Variants in PBX3 observed in about 807,000 individuals in gnomAD.
PBX3 encodes pre-B-cell leukemia transcription factor 3.
Under a neutral mutation model 48.5 loss-of-function variants are expected in PBX3, and 14 were observed. The ratio of observed to expected loss-of-function variants is 0.29; its 90% CI spans 0.19 to 0.45. The LOEUF is 0.45. Among genes scored for constraint, PBX3 ranks in the 20% least tolerant of loss-of-function variants. PBX3 has a pLI of 1.00. For synonymous variants in PBX3, 210 were observed against 200.3 expected (o/e 1.05, Z -0.41); for missense variants, 386 against 546.7 (o/e 0.71, Z 2.93).
At chr9:125,930,149 C>T (rs1841682541) in intron 4 of PBX3, among the ~76,000 whole-genome samples, 1 of 152,138 alleles carries the variant, frequency 6.6e-6, no homozygotes, top group South Asian at 2.1e-4. Context: ...GGATAGTTTT[C>T]TGCATATAAC....
intron 2 of PBX3, among the ~76,000 whole-genome samples, chr9:125,786,088 A>G (rs1429317215): frequency 6.6e-6 from 1 of 152,072 alleles, no homozygotes; most frequent in Non-Finnish European, 1.5e-5. Flanking sequence ...TACCTACTCC[A>G]TTTCCTGCTG....
chr9:125,891,921 T>C (rs1232686599), intron 2 of PBX3, among the ~76,000 whole-genome samples: 1 of 152,160 alleles, frequency 6.6e-6, no homozygotes, highest in East Asian at 1.9e-4. Context: ...CATTTTATTT[T>C]ATTTTATTAA....
chr9:125,913,420 C>G (rs1841250579), intron 2 of PBX3, among the ~76,000 whole-genome samples: 1 of 151,950 alleles, frequency 6.6e-6, no homozygotes, highest in Non-Finnish European at 1.5e-5. Context: ...TTTGTGTCCA[C>G]GGCTTTTGAG....
At chr9:125,853,157 C>T (rs1213846423) in intron 2 of PBX3, among the ~76,000 whole-genome samples, 1 of 152,140 alleles carries the variant, frequency 6.6e-6, no homozygotes, top group African/African-American at 2.4e-5. Flanking sequence ...TCTTTTTCCA[C>T]ACCTCAGAAT....
rs1836615426 is a variant in PBX3, at chr9:125,759,756, T to C, written c.274+11133T>C. On this transcript the variant is annotated intron_variant, in intron 2 of 8. Coordinates refer to ENST00000373489, the MANE Select transcript of PBX3 (RefSeq NM_006195.6). The surrounding 1 kb of genome is among the most constrained non-coding windows in gnomAD (Gnocchi z 4.2). ...CATAAGTTATGCAAATGAGCTTTTA[T>C]GGCAACTGGCATAACAATTAGCATC... 6.6e-6 allele frequency among the ~76,000 whole-genome samples: 1 copy of C among 152,236 alleles called. No individual in the cohort carries two copies. Among genetic ancestry groups the C allele is most frequent in the Non-Finnish European group, 1.5e-5 (1 of 68,036 alleles).
intron 8 of PBX3, among the ~76,000 whole-genome samples, chr9:125,965,566 G>A (rs1234792988): frequency 6.6e-6 from 1 of 152,196 alleles, no homozygotes; most frequent in Non-Finnish European, 1.5e-5. Flanking sequence ...GCAGATCAAA[G>A]GCCGAGCTCG....
chr9:125,928,381 A>G (rs1718818082), intron 3 of PBX3, among the ~76,000 whole-genome samples: 2 of 138,004 alleles, frequency 1.4e-5, no homozygotes, highest in African/African-American at 5.9e-5. Context: ...TCTGAATATT[A>G]GGGGAAACAA....
chr9:125,835,620 C>T (rs1054588202), intron 2 of PBX3, among the ~76,000 whole-genome samples: 3 of 152,158 alleles, frequency 2.0e-5, no homozygotes, highest in Non-Finnish European at 2.9e-5. Flanking sequence ...AAATGCCCAG[C>T]ATCACTAATT....
At chr9:125,793,366 A>AAAAATATATATATATATAT (rs59271982) in intron 2 of PBX3, among the ~76,000 whole-genome samples, 3 of 101,976 alleles carry the variant, frequency 2.9e-5, no homozygotes, top group African/African-American at 8.5e-5. Context: ...GGAAAAAAAA[A>AAAAATATATATATATATAT]ATATATATAT....
intron 2 of PBX3, among the ~76,000 whole-genome samples, chr9:125,755,043 T>A (rs951907110): frequency 2.0e-5 from 3 of 152,108 alleles, no homozygotes; most frequent in Non-Finnish European, 4.4e-5. Flanking sequence ...CTCACAATGT[T>A]TAAACCATTA....
intron 2 of PBX3, among the ~76,000 whole-genome samples, chr9:125,778,321 T>C (rs1191509273): frequency 6.6e-6 from 1 of 151,822 alleles, no homozygotes; most frequent in Non-Finnish European, 1.5e-5. Context: ...TGCAGTGGCA[T>C]GATCTTGGCT....
chr9:125,760,439 G>A (rs1836635674), intron 2 of PBX3, among the ~76,000 whole-genome samples: 1 of 151,836 alleles, frequency 6.6e-6, no homozygotes, highest in South Asian at 2.1e-4. Flanking sequence ...AAAAGAATCT[G>A]ATGTAAGGGT....
At position 125,876,128 on chromosome 9, in the gene PBX3, A is replaced by G. The variant is rs76938040; in HGVS notation, c.275-39558A>G. ...TATCATGTTTTATGGCTCCCCTTTA[A>G]CTAATATGCTGTGTGCTTCCTTTAG... On this transcript the variant is annotated intron_variant, in intron 2 of 8. Transcript: ENST00000373489. Among the ~76,000 whole-genome samples the G allele has an allele frequency of 4.6e-5, 7 of 152,290 alleles. No individual in the cohort carries two copies. In the East Asian group the frequency reaches 1.3e-3, roughly 29 times the overall value.
In PBX3 at chr9:125,835,051, A is replaced by AAAAAAAAAT. The variant is rs1564681272; in HGVS notation, c.275-80635_275-80634insAAAAAAAAT. ...AAAAAAAAAAAAAAAAAAAAAAAAA[A>AAAAAAAAAT]GGGCAAAAGATATGAAAAGACAAGT... On this transcript the variant is annotated intron_variant, in intron 2 of 8. Coordinates refer to ENST00000373489, the MANE Select transcript of PBX3 (RefSeq NM_006195.6). Among the ~76,000 whole-genome samples, 10 of 108,060 alleles carry AAAAAAAAAT rather than the reference A, an allele frequency of 9.3e-5. 2 individuals are homozygous for AAAAAAAAAT. The highest frequency in any genetic ancestry group is 3.4e-4 in the African/African-American group (9 of 26,366). The allele number at this position is 108,060 out of a possible 152,430, so 70.9% of individuals were successfully genotyped here.
chr9:125,914,347 G>T (rs955253063), intron 2 of PBX3, among the ~76,000 whole-genome samples: 3 of 152,154 alleles, frequency 2.0e-5, no homozygotes, highest in African/African-American at 4.8e-5. Context: ...AAATGAAAGT[G>T]ACAGCTTTAA....
intron 2 of PBX3, among the ~76,000 whole-genome samples, chr9:125,889,348 G>A (rs1337787976): frequency 3.3e-5 from 5 of 152,252 alleles, no homozygotes; most frequent in African/African-American, 1.2e-4. Flanking sequence ...GGCTCGCTTG[G>A]CAGTGCACAC....
chr9:125,885,395 T>A (rs1482418208), intron 2 of PBX3, among the ~76,000 whole-genome samples: 1 of 152,106 alleles, frequency 6.6e-6, no homozygotes, highest in African/African-American at 2.4e-5. Flanking sequence ...ACCAAATTGG[T>A]AGAGAGTGAA....
At chr9:125,755,672 GTTTTTTTTT>G (rs11310993) in intron 2 of PBX3, among the ~76,000 whole-genome samples, 1 of 95,232 alleles carries the variant, frequency 1.1e-5, no homozygotes, top group African/African-American at 4.0e-5. Flanking sequence ...GAGGAGCTTT[GTTTTTTTTT>G]TTTTTTTTTT....
At chr9:125,942,894 A>G (rs947659876) in intron 5 of PBX3, among the ~76,000 whole-genome samples, 2 of 152,230 alleles carry the variant, frequency 1.3e-5, no homozygotes, top group Admixed American at 6.5e-5. Context: ...AGATTTAAAG[A>G]AAACAGGGAA....
Sources: gnomAD v4.1 joint callset for allele counts (sites outside exome capture counted in the v4.1 genomes callset) on GRCh38, gnomAD v4.1.1 for gene constraint, Gnocchi (gnomAD v3.1) non-coding constraint, MANE v1.5 for transcripts, NCBI Gene and HGNC (gene_info 2026-07-23, HGNC 2026-07-21) for gene names.